The following TMED3 variants were observed in gnomAD, a reference collection of about 807,000 sequenced individuals.
The protein encoded by TMED3 is transmembrane emp24 domain-containing protein 3.
TMED3 carries 9 observed loss-of-function variants against 15.0 expected under a neutral mutation model. The observed-to-expected ratio is 0.60, with a 90% CI of 0.36 to 1.04. TMED3 has a LOEUF of 1.04. Ranked by LOEUF, TMED3 falls within the 50% of genes least tolerant of loss-of-function variation. The pLI, the probability that TMED3 is intolerant of heterozygous loss-of-function variation, is 0.01. For missense variants in TMED3, 267 were observed against 278.9 expected (o/e 0.96, Z 0.30); for synonymous variants, 117 against 121.4 (o/e 0.96, Z 0.24).
intron 2 of TMED3, among the ~76,000 whole-genome samples, chr15:79,319,702 G>A (rs1359237056): frequency 6.6e-6 from 1 of 152,170 alleles, no homozygotes; most frequent in Non-Finnish European, 1.5e-5. Flanking sequence ...AAGACAAAGG[G>A]GCAGGCTAAG....
intron 1 of TMED3, among the ~76,000 whole-genome samples, chr15:79,313,289 A>G (rs946271066): frequency 6.6e-6 from 1 of 152,140 alleles, no homozygotes; most frequent in Non-Finnish European, 1.5e-5. Flanking sequence ...GGGAAGCTTT[A>G]TCAGCACCAT....
intron 2 of TMED3, among the ~76,000 whole-genome samples, chr15:79,357,464 C>CAAA (rs59897659): frequency 8.3e-4 from 73 of 87,610 alleles, no homozygotes; most frequent in Middle Eastern, 9.3e-3. Context: ...CACCCTGCCT[C>CAAA]AAAAAAAAAA....
intron 2 of TMED3, among the ~76,000 whole-genome samples, chr15:79,350,913 C>T (rs1302005470): frequency 2.0e-5 from 3 of 152,146 alleles, no homozygotes; most frequent in Non-Finnish European, 4.4e-5. Flanking sequence ...AAAGCAGAAG[C>T]TGTGTTTAGA....
chr15:79,331,382 T>C (rs1345556634), intron 2 of TMED3, among the ~76,000 whole-genome samples: 1 of 144,832 alleles, frequency 6.9e-6, no homozygotes, highest in Non-Finnish European at 1.5e-5. Context: ...TAGACCCTTA[T>C]CTTTCACCCA....
At chr15:79,382,430 AG>A (rs1893551208) in intron 2 of TMED3, among the ~76,000 whole-genome samples, 1 of 152,240 alleles carries the variant, frequency 6.6e-6, no homozygotes, top group Admixed American at 6.5e-5. Flanking sequence ...GGCTGACAGT[AG>A]TACCTGCTTG....
At chr15:79,389,726 T>C (rs1017298521) in intron 2 of TMED3, among the ~76,000 whole-genome samples, 3 of 152,116 alleles carry the variant, frequency 2.0e-5, no homozygotes, top group African/African-American at 7.2e-5. Flanking sequence ...TCCATGAGCA[T>C]GGGATGTGTT....
intron 2 of TMED3, among the ~76,000 whole-genome samples, chr15:79,365,379 G>A (rs1893212486): frequency 6.6e-6 from 1 of 152,200 alleles, no homozygotes; most frequent in Non-Finnish European, 1.5e-5. Flanking sequence ...AAGAAATTTA[G>A]AACAAAGAAC....
chr15:79,411,356 C>T, intron 2 of TMED3: 1 of 700,302 alleles, frequency 1.4e-6, no homozygotes. Context: ...TTCATGGTTC[C>T]ACATTTCATC....
chr15:79,404,532 C>T lies in TMED3; in HGVS notation c.418-6868C>T, dbSNP rs574646359. ...CATGGCAGGTGAATGCTTCCTTTGC[C>T]GTGCATATTCTTTGTGGGCATTCAT... On this transcript the variant is annotated intron_variant, in intron 2 of 2. Coordinates refer to the TMED3 transcript ENST00000424155. 1.5e-4 allele frequency among the ~76,000 whole-genome samples: 7 copies of T among 45,470 alleles called. No individual in the cohort carries two copies. The South Asian group carries it at 6.3e-3, about 41-fold the overall frequency. The allele number at this position is 45,470 out of a possible 152,430, so 29.8% of individuals were successfully genotyped here.
intron 2 of TMED3, among the ~76,000 whole-genome samples, chr15:79,397,424 G>A (rs944058600): frequency 6.6e-6 from 1 of 152,064 alleles, no homozygotes; most frequent in Non-Finnish European, 1.5e-5. Context: ...CAGATCTGAA[G>A]AGCCTCTTTC....
intron 2 of TMED3, among the ~76,000 whole-genome samples, chr15:79,402,602 AC>A (rs778513716): frequency 2.0e-4 from 31 of 151,734 alleles, no homozygotes; most frequent in Non-Finnish European, 4.6e-4. Flanking sequence ...AGATGGTGAA[AC>A]CCCGTCTTTA....
In TMED3 at chr15:79,311,126, A is replaced by G. The variant is rs1325701584; in HGVS notation, c.-124A>G. On this transcript the variant is annotated 5_prime_UTR_variant, in exon 1 of 3. Coordinates refer to ENST00000299705, the MANE Select transcript of TMED3 (RefSeq NM_007364.4). ...GAGCCGCCGGCCCTCCCGGAAGCGC[A>G]GAGCTCCGCTGGTGCCACGTCTATC... 3 of 1,102,750 alleles carry G rather than the reference A, an allele frequency of 2.7e-6. No individual in the cohort carries two copies. Among genetic ancestry groups the G allele is most frequent in the South Asian group, 1.8e-5 (1 of 56,844 alleles). 68.3% of individuals were successfully genotyped at this position (1,102,750 alleles called of 1,614,324 possible). A position where few individuals can be genotyped will look rare whatever the true frequency, so the allele number is the denominator to read the frequency against.
chr15:79,380,428 A>AGT (rs1567036591), intron 2 of TMED3, among the ~76,000 whole-genome samples: 8 of 145,960 alleles, frequency 5.5e-5, no homozygotes, highest in Admixed American at 1.4e-4. Flanking sequence ...ATATATAGTT[A>AGT]TATATATAGT....
chr15:79,380,559 A>G lies in TMED3; in HGVS notation c.418-30841A>G, dbSNP rs150637521. Among the ~76,000 whole-genome samples the G allele has an allele frequency of 5.6e-3, 811 of 145,562 alleles. 6 individuals are homozygous for G. The highest frequency in any genetic ancestry group is 0.021 in the Middle Eastern group (6 of 280). On this transcript the variant is annotated intron_variant, in intron 2 of 2. Transcript: ENST00000424155. ...TGTAGTTATATATATAGTTGTATAT[A>G]TGTAGTTACATATATATAGTTTTAT...
At chr15:79,328,989 G>A (rs1204292676) in intron 2 of TMED3, among the ~76,000 whole-genome samples, 1 of 152,192 alleles carries the variant, frequency 6.6e-6, no homozygotes, top group Non-Finnish European at 1.5e-5. Context: ...GTAGATCAAA[G>A]CCCCTGTCTG....
At chr15:79,399,358 T>G (rs548247660) in intron 2 of TMED3, among the ~76,000 whole-genome samples, 2 of 152,266 alleles carry the variant, frequency 1.3e-5, no homozygotes, top group South Asian at 2.1e-4. Flanking sequence ...CTGAAGGGTT[T>G]CCCAAACTGC....
chr15:79,367,120 G>A (rs1008861381), intron 2 of TMED3, among the ~76,000 whole-genome samples: 6 of 152,052 alleles, frequency 3.9e-5, no homozygotes, highest in Admixed American at 3.3e-4. Flanking sequence ...TCTTCTTTCC[G>A]GGTGAAGGAT....
intron 2 of TMED3, among the ~76,000 whole-genome samples, chr15:79,342,605 T>C (rs2141229482): frequency 6.6e-6 from 1 of 152,304 alleles, no homozygotes; most frequent in East Asian, 1.9e-4. Flanking sequence ...TCTAAAATTG[T>C]TGCATGGTAA....
chr15:79,407,796 C>A (rs12908177), intron 2 of TMED3, among the ~76,000 whole-genome samples: 60,838 of 152,072 alleles, frequency 0.4, 12,832 homozygotes, highest in Middle Eastern at 0.57. Context: ...CGTTTGCTCA[C>A]GCCTGCTTTG....
Sources: allele counts gnomAD v4.1 joint callset (sites outside exome capture counted in the v4.1 genomes callset), GRCh38; gene constraint gnomAD v4.1.1; transcripts MANE v1.5; gene names NCBI Gene and HGNC (gene_info 2026-07-23, HGNC 2026-07-21).